The following CDH13 variants were observed in gnomAD, a reference collection of about 807,000 sequenced individuals.
CDH13 encodes the protein cadherin-13.
CDH13 carries 24 observed loss-of-function variants against 63.8 expected under a neutral mutation model. The ratio of observed to expected loss-of-function variants is 0.38; its 90% CI spans 0.27 to 0.53. CDH13 has a LOEUF of 0.53. Ranked by LOEUF, CDH13 falls within the 20% of genes least tolerant of loss-of-function variation. CDH13 has a pLI of 0.85. For synonymous variants in CDH13, 503 were observed against 355.3 expected (o/e 1.42, Z -4.67); for missense variants, 1,049 against 903.1 (o/e 1.16, Z -2.07).
In CDH13 at chr16:83,322,891, A is replaced by G. The variant is rs544133356; in HGVS notation, c.637-21971A>G. ...CCACCTTCTGATTTTTTAGAGAAGG[A>G]TGACACTTTGTTATTTAATTGATAC... On this transcript the variant is annotated intron_variant, in intron 5 of 13. Coordinates refer to ENST00000567109, the MANE Select transcript of CDH13 (RefSeq NM_001257.5). 8.5e-5 allele frequency among the ~76,000 whole-genome samples: 13 copies of G among 152,264 alleles called. No individual in the cohort carries two copies. In the South Asian group the frequency reaches 2.7e-3, roughly 32 times the overall value.
At chr16:82,652,624 T>C (rs116946429) in intron 1 of CDH13, among the ~76,000 whole-genome samples, 7,326 of 138,052 alleles carry the variant, frequency 0.053, 234 homozygotes, top group Non-Finnish European at 0.078. Context: ...AGAAAGATAT[T>C]GGAAGCTGCT....
chr16:82,773,091 C>G (rs941524599), intron 1 of CDH13, among the ~76,000 whole-genome samples: 1 of 152,222 alleles, frequency 6.6e-6, no homozygotes, highest in African/African-American at 2.4e-5. Flanking sequence ...TGGATACACT[C>G]CTTTCATCTC....
chr16:83,058,161 G>T (rs115444122), intron 3 of CDH13, among the ~76,000 whole-genome samples: 1 of 152,134 alleles, frequency 6.6e-6, no homozygotes, highest in Non-Finnish European at 1.5e-5. Context: ...CATGAGTTAC[G>T]TCTTTTATCG....
intron 6 of CDH13, among the ~76,000 whole-genome samples, chr16:83,465,227 G>T (rs963542755): frequency 2.2e-4 from 34 of 152,226 alleles, no homozygotes; most frequent in African/African-American, 7.7e-4. Context: ...CTGACAGCCT[G>T]TTAGAGAAAG....
At chr16:83,428,961 A>T (rs1279519257) in intron 6 of CDH13, among the ~76,000 whole-genome samples, 1 of 152,200 alleles carries the variant, frequency 6.6e-6, no homozygotes, top group African/African-American at 2.4e-5. Context: ...TTCGGTCATC[A>T]CTTTCCCTGT....
intron 5 of CDH13, among the ~76,000 whole-genome samples, chr16:83,320,644 A>G (rs2090202939): frequency 6.6e-6 from 1 of 152,224 alleles, no homozygotes; most frequent in Non-Finnish European, 1.5e-5. Flanking sequence ...TATTCTGAAG[A>G]TAATTTTGTT....
intron 2 of CDH13, among the ~76,000 whole-genome samples, chr16:83,013,301 G>A (rs1052489840): frequency 2.0e-5 from 3 of 152,174 alleles, no homozygotes; most frequent in Admixed American, 6.5e-5. Context: ...CATGCAGGTT[G>A]TAGATTCCAG....
chr16:83,056,340 T>A (rs113343498), intron 3 of CDH13, among the ~76,000 whole-genome samples: 1 of 152,110 alleles, frequency 6.6e-6, no homozygotes, highest in African/African-American at 2.4e-5. Context: ...CACTAAAGGC[T>A]CTTACAAGAA....
chr16:83,022,719 T>C (rs35431426), intron 2 of CDH13, among the ~76,000 whole-genome samples: 25,956 of 152,122 alleles, frequency 0.17, 2,443 homozygotes, highest in East Asian at 0.3. Context: ...CATGTACAAG[T>C]GGAATCTGAC....
At chr16:83,501,473 T>A (rs1431941778) in intron 7 of CDH13, among the ~76,000 whole-genome samples, 1 of 152,170 alleles carries the variant, frequency 6.6e-6, no homozygotes, top group Non-Finnish European at 1.5e-5. Flanking sequence ...TCCATTCTTA[T>A]TTCCTCTGCA....
chr16:83,173,551 T>G (rs2038008416), intron 4 of CDH13, among the ~76,000 whole-genome samples: 1 of 152,116 alleles, frequency 6.6e-6, no homozygotes, highest in African/African-American at 2.4e-5. Flanking sequence ...AAACAATGAC[T>G]AGTGTTTTAG....
At chr16:83,031,186 A>G (rs945716030) in intron 2 of CDH13, among the ~76,000 whole-genome samples, 2 of 143,840 alleles carry the variant, frequency 1.4e-5, no homozygotes, top group African/African-American at 2.6e-5. Context: ...GCGCATGTAT[A>G]CACCATATAC....
intron 3 of CDH13, among the ~76,000 whole-genome samples, chr16:83,091,584 T>A (rs887546028): frequency 6.6e-5 from 10 of 152,220 alleles, no homozygotes; most frequent in African/African-American, 2.4e-4. Context: ...AGCCACTAAG[T>A]CATGGGCTGG....
chr16:83,704,826 A>G (rs1906766102), intron 10 of CDH13, among the ~76,000 whole-genome samples: 1 of 152,232 alleles, frequency 6.6e-6, no homozygotes, highest in Admixed American at 6.5e-5. Context: ...CTCCAATTTC[A>G]GGAAAATAGT....
chr16:83,330,736 G>A (rs1021247639), intron 5 of CDH13, among the ~76,000 whole-genome samples: 2 of 152,130 alleles, frequency 1.3e-5, no homozygotes, highest in Admixed American at 1.3e-4. Flanking sequence ...GGTGGCGTGG[G>A]GTCCATGACC....
At chr16:83,401,283 A>G (rs191504048) in intron 6 of CDH13, among the ~76,000 whole-genome samples, 14 of 151,670 alleles carry the variant, frequency 9.2e-5, no homozygotes, top group Non-Finnish European at 1.6e-4. Context: ...AGGTTGCAGT[A>G]AGCCGAGATC....
At chr16:82,629,171 G>T (rs1169996391) in intron 1 of CDH13, among the ~76,000 whole-genome samples, 1 of 152,186 alleles carries the variant, frequency 6.6e-6, no homozygotes, top group Non-Finnish European at 1.5e-5. Flanking sequence ...AGGGCTCTGC[G>T]CACGGTTCTT....
intron 6 of CDH13, among the ~76,000 whole-genome samples, chr16:83,418,984 G>A (rs1317002737): frequency 6.6e-6 from 1 of 152,048 alleles, no homozygotes; most frequent in African/African-American, 2.4e-5. Flanking sequence ...ACATATGCAG[G>A]TGCCAGCCAA....
At chr16:83,202,791 C>T (rs1040588041) in intron 4 of CDH13, among the ~76,000 whole-genome samples, 3 of 152,130 alleles carry the variant, frequency 2.0e-5, no homozygotes, top group African/African-American at 4.8e-5. Context: ...ACATTACTTT[C>T]TCTGAACTCT....
Sources: gnomAD v4.1 joint callset for allele counts (sites outside exome capture counted in the v4.1 genomes callset) on GRCh38, gnomAD v4.1.1 for gene constraint, MANE v1.5 for transcripts, NCBI Gene and HGNC (gene_info 2026-07-23, HGNC 2026-07-21) for gene names.